The following NRG2 variants were observed in gnomAD, a reference collection of about 807,000 sequenced individuals.
NRG2 encodes the protein pro-neuregulin-2, membrane-bound isoform.
In NRG2, 27 loss-of-function variants were observed where a neutral mutation model predicts 73.9. That is an observed-to-expected ratio of 0.37 (90% CI 0.27 to 0.50). NRG2 has a LOEUF of 0.50. NRG2 is among the 20% of genes least tolerant of loss of function. NRG2 has a pLI of 0.96. For missense variants in NRG2, 1,126 were observed against 1,210.1 expected (o/e 0.93, Z 1.03); for synonymous variants, 532 against 541.0 (o/e 0.98, Z 0.23).
At chr5:139,965,763 GAGTGCTCACT>G (rs1399004142) in intron 1 of NRG2, among the ~76,000 whole-genome samples, 2 of 152,204 alleles carry the variant, frequency 1.3e-5, no homozygotes, top group African/African-American at 2.4e-5. Context: ...GAGCTGTCAG[GAGTGCTCACT>G]AGTACAACTC....
intron 3 of NRG2, among the ~76,000 whole-genome samples, chr5:139,879,769 G>A (rs1443683726): frequency 6.6e-6 from 1 of 152,178 alleles, no homozygotes; most frequent in Non-Finnish European, 1.5e-5. Context: ...AGAAGAGGCA[G>A]GTGTGAGAAA....
At chr5:139,950,351 G>A (rs1754110159) in intron 1 of NRG2, among the ~76,000 whole-genome samples, 1 of 152,230 alleles carries the variant, frequency 6.6e-6, no homozygotes, top group Non-Finnish European at 1.5e-5. Context: ...AATTCCAGTA[G>A]TTCCCTCACA....
intron 1 of NRG2, among the ~76,000 whole-genome samples, chr5:139,903,998 T>C (rs1306630579): frequency 6.6e-6 from 1 of 152,092 alleles, no homozygotes; most frequent in Non-Finnish European, 1.5e-5. Context: ...CGCGGCTCCA[T>C]CCCCGCTCGC....
At chr5:139,986,833 G>A (rs1295358630) in intron 1 of NRG2, among the ~76,000 whole-genome samples, 1 of 152,084 alleles carries the variant, frequency 6.6e-6, no homozygotes, top group Non-Finnish European at 1.5e-5. Context: ...GTGGCTAGTG[G>A]CTACTGTATT....
intron 1 of NRG2, among the ~76,000 whole-genome samples, chr5:140,006,166 C>A (rs1758880712): frequency 6.6e-6 from 1 of 152,206 alleles, no homozygotes; most frequent in African/African-American, 2.4e-5. Flanking sequence ...GTCTGTCACT[C>A]ACTGTGATCA....
intron 1 of NRG2, among the ~76,000 whole-genome samples, chr5:140,002,189 A>G (rs1758541092): frequency 6.6e-6 from 1 of 152,214 alleles, no homozygotes; most frequent in South Asian, 2.1e-4. Flanking sequence ...GTCTCAAAAA[A>G]TAATAAAGTA....
At chr5:139,999,336 C>T (rs1258264410) in intron 1 of NRG2, among the ~76,000 whole-genome samples, 1 of 152,190 alleles carries the variant, frequency 6.6e-6, no homozygotes, top group Non-Finnish European at 1.5e-5. Flanking sequence ...GTGAATCTGA[C>T]CCAAAATATC....
intron 1 of NRG2, among the ~76,000 whole-genome samples, chr5:139,933,518 G>C (rs1196692140): frequency 2.6e-5 from 4 of 152,094 alleles, no homozygotes; most frequent in African/African-American, 9.7e-5. Context: ...TTTAATAATA[G>C]AAGAGTCAAT....
At chr5:139,890,912 G>A (rs921043647) in intron 1 of NRG2, among the ~76,000 whole-genome samples, 1 of 152,216 alleles carries the variant, frequency 6.6e-6, no homozygotes, top group African/African-American at 2.4e-5. Context: ...AGATTGGGTT[G>A]ACACCTGGTG....
intron 1 of NRG2, among the ~76,000 whole-genome samples, chr5:139,969,571 C>A (rs1755824191): frequency 6.6e-6 from 1 of 152,212 alleles, no homozygotes; most frequent in African/African-American, 2.4e-5. Context: ...ATCTTAGTGT[C>A]TCCTGCAATG....
intron 1 of NRG2, among the ~76,000 whole-genome samples, chr5:140,015,752 C>A (rs775965212): frequency 3.0e-4 from 45 of 152,146 alleles, no homozygotes; most frequent in Non-Finnish European, 4.4e-4. Flanking sequence ...GGCTTCCCTG[C>A]AGGCTTTAAC....
Position 139,852,377 on chromosome 5 carries a change from G to C in NRG2, c.1544+55C>G. 1.3e-6 allele frequency: 2 copies of C among 1,586,608 alleles called. No homozygotes were observed. Among genetic ancestry groups the C allele is most frequent in the Non-Finnish European group, 1.7e-6 (2 of 1,166,896 alleles). ...GGATGTCGGAGTAAGTGGGCACTTT[G>C]CGCCAGATGAAGTATGTGAGTCTAC... On this transcript the variant is annotated intron_variant, in intron 8 of 9. Transcript: ENST00000361474. This position sits in a 1 kb window ranked among gnomAD's most constrained non-coding sequence, Gnocchi z 4.4.
intron 1 of NRG2, among the ~76,000 whole-genome samples, chr5:140,011,279 T>C (rs2126644512): frequency 6.6e-6 from 1 of 152,344 alleles, no homozygotes; most frequent in South Asian, 2.1e-4. Flanking sequence ...GTCAACTTTC[T>C]CTAAGTGGTT....
intron 1 of NRG2, among the ~76,000 whole-genome samples, chr5:139,990,134 A>T (rs913570495): frequency 4.0e-5 from 6 of 151,712 alleles, no homozygotes; most frequent in Admixed American, 3.9e-4. Flanking sequence ...GAACATTGTG[A>T]TCCATGTCTC....
chr5:139,850,173 G>A (rs1306003130), intron 9 of NRG2, among the ~76,000 whole-genome samples: 1 of 152,224 alleles, frequency 6.6e-6, no homozygotes, highest in Non-Finnish European at 1.5e-5. Context: ...GCTACACCTA[G>A]TGAGCATCAG....
chr5:139,873,268 G>A (rs1236777377), intron 3 of NRG2, among the ~76,000 whole-genome samples: 2 of 152,164 alleles, frequency 1.3e-5, no homozygotes, highest in African/African-American at 4.8e-5. Context: ...TCCCTCCTCG[G>A]CTCAACCCCA....
intron 1 of NRG2, among the ~76,000 whole-genome samples, chr5:139,912,279 T>C (rs1177409465): frequency 1.3e-3 from 1 of 800 alleles, no homozygotes; most frequent in Non-Finnish European, 2.4e-3. Context: ...CGAGAGGCCT[T>C]GCCCAATATA....
At chr5:139,984,916 C>T (rs183533302) in intron 1 of NRG2, among the ~76,000 whole-genome samples, 24 of 152,304 alleles carry the variant, frequency 1.6e-4, no homozygotes, top group Admixed American at 1.4e-3. Context: ...ACTTTCAGCC[C>T]AGATACTTGC....
At chr5:140,013,535 T>A (rs528749209) in intron 1 of NRG2, among the ~76,000 whole-genome samples, 1 of 152,218 alleles carries the variant, frequency 6.6e-6, no homozygotes, top group Non-Finnish European at 1.5e-5. Context: ...CTTTATATTA[T>A]GTGTATTTTA....
Sources: gnomAD v4.1 joint callset for allele counts (sites outside exome capture counted in the v4.1 genomes callset) on GRCh38, gnomAD v4.1.1 for gene constraint, Gnocchi (gnomAD v3.1) non-coding constraint, MANE v1.5 for transcripts, NCBI Gene and HGNC (gene_info 2026-07-23, HGNC 2026-07-21) for gene names.